The following CEP112 variants were observed in gnomAD, a reference collection of about 807,000 sequenced individuals.
The protein encoded by CEP112 is centrosomal protein 112.
Under a neutral mutation model 153.0 loss-of-function variants are expected in CEP112, and 127 were observed. The ratio of observed to expected loss-of-function variants is 0.83; its 90% confidence interval spans 0.72 to 0.96. The LOEUF (loss-of-function observed/expected upper bound fraction) is 0.96, where lower values mean the gene tolerates loss of function less well. CEP112 is among the 40% of genes least tolerant of loss of function. The pLI is 0.00. For synonymous variants in CEP112, 358 were observed against 374.4 expected (o/e 0.96, Z 0.51); for missense variants, 1,089 against 1,101.2 (o/e 0.99, Z 0.16).
rs532111326 is a variant in CEP112 at position 65,690,242 on chromosome 17, T to C, written c.2608-1024A>G. On this transcript the variant is annotated intron_variant, in intron 23 of 26. Transcript: ENST00000535342. ...GAATTCAAGATCAGCCTGGGCAACATAGCAAGATCTTTTCTACAATTTTTT... is the reference window on the plus strand; with the variant it reads ...GAATTCAAGATCAGCCTGGGCAACACAGCAAGATCTTTTCTACAATTTTTT... Among the ~76,000 whole-genome samples the C allele has an allele frequency of 1.1e-4, 16 of 149,740 alleles. 1 individual carries two copies. In the South Asian group the frequency reaches 1.3e-3, roughly 12 times the overall value.
intron 17 of CEP112, among the ~76,000 whole-genome samples, chr17:66,004,817 A>T (rs893900804): frequency 6.6e-6 from 1 of 152,122 alleles, no homozygotes; most frequent in Admixed American, 6.6e-5. Flanking sequence ...AGTCATTCTT[A>T]TTTGCAGGTT....
chr17:65,880,453 G>A (rs2059020049), intron 20 of CEP112, among the ~76,000 whole-genome samples: 1 of 152,212 alleles, frequency 6.6e-6, no homozygotes, highest in East Asian at 1.9e-4. Flanking sequence ...AAATGGGGGG[G>A]GCTATCTTAT....
At chr17:66,082,853 TTAA>T (rs2067776294) in intron 8 of CEP112, among the ~76,000 whole-genome samples, 1 of 151,602 alleles carries the variant, frequency 6.6e-6, no homozygotes, top group African/African-American at 2.4e-5. Flanking sequence ...GATATTAATA[TTAA>T]TATTAATATT....
At chr17:66,081,020 G>A (rs182291730) in intron 8 of CEP112, among the ~76,000 whole-genome samples, 2 of 152,186 alleles carry the variant, frequency 1.3e-5, no homozygotes, top group African/African-American at 4.8e-5. Flanking sequence ...CAGGGGGTAG[G>A]GGGCTAGGGG....
chr17:65,679,152 T>G (rs2047386965), intron 24 of CEP112, among the ~76,000 whole-genome samples: 1 of 115,576 alleles, frequency 8.7e-6, no homozygotes, highest in Non-Finnish European at 1.9e-5. Context: ...TTTTTTTTTT[T>G]TTTTTTTTTT....
At chr17:65,749,424 C>A (rs998421803) in intron 22 of CEP112, among the ~76,000 whole-genome samples, 1 of 151,926 alleles carries the variant, frequency 6.6e-6, no homozygotes, top group Non-Finnish European at 1.5e-5. Flanking sequence ...AGGAGAATGG[C>A]GTGAATCAGG....
rs1267310538 is a variant in CEP112 at position 65,983,422 on chromosome 17, A to G, written c.1737-21824T>C. On this transcript the variant is annotated intron_variant, in intron 17 of 26. Coordinates refer to ENST00000535342, the MANE Select transcript of CEP112 (RefSeq NM_001199165.4). The stretch of plus-strand genomic sequence containing the variant: ...TATAGTTGGGATATGTGTCCCCTCC[A>G]AATATCATGTTGAAATGTGACCTTC... Among the ~76,000 whole-genome samples the G allele has an allele frequency of 2.6e-5, 4 of 152,234 alleles. No homozygotes were observed. In the East Asian group the frequency reaches 7.7e-4, roughly 29 times the overall value.
At chr17:65,923,388 A>C (rs1026282250) in intron 19 of CEP112, among the ~76,000 whole-genome samples, 1 of 152,150 alleles carries the variant, frequency 6.6e-6, no homozygotes, top group Non-Finnish European at 1.5e-5. Context: ...ATGTTACAGA[A>C]TATAATATAG....
chr17:65,981,997 C>T (rs887443700), intron 17 of CEP112, among the ~76,000 whole-genome samples: 7 of 152,046 alleles, frequency 4.6e-5, no homozygotes, highest in Admixed American at 6.5e-5. Context: ...AACAACCTAA[C>T]GATTTATTGT....
At chr17:66,073,766 A>C (rs2067383666) in intron 8 of CEP112, among the ~76,000 whole-genome samples, 1 of 152,226 alleles carries the variant, frequency 6.6e-6, no homozygotes, top group Admixed American at 6.5e-5. Context: ...AACAGAATGT[A>C]AAAACCAAGT....
At chr17:66,087,751 C>T (rs765840832) in intron 8 of CEP112, among the ~76,000 whole-genome samples, 21 of 152,098 alleles carry the variant, frequency 1.4e-4, no homozygotes, top group Non-Finnish European at 1.5e-4. Context: ...CTCAGAAGTC[C>T]GAGGCTGCAG....
chr17:66,005,606 T>C (rs2064240624), intron 17 of CEP112, 84 bp downstream of exon 17: 8 of 1,451,096 alleles, frequency 5.5e-6, no homozygotes, highest in South Asian at 4.3e-5. Flanking sequence ...TATAAAAATA[T>C]AGTGTTTAGG....
chr17:66,136,565 A>C (rs1420756811), intron 4 of CEP112, among the ~76,000 whole-genome samples: 1 of 151,730 alleles, frequency 6.6e-6, no homozygotes, highest in African/African-American at 2.4e-5. Context: ...CAACATTCAG[A>C]CTCTTGGGGG....
At chr17:65,971,668 G>GCATATTACATGCGTGTGTA (rs2062837402) in intron 17 of CEP112, among the ~76,000 whole-genome samples, 1 of 151,100 alleles carries the variant, frequency 6.6e-6, no homozygotes, top group South Asian at 2.1e-4. Flanking sequence ...ATGCATGTAT[G>GCATATTACATGCGTGTGTA]TTACATGCAT....
At chr17:66,152,679 G>A (rs773166113) in intron 4 of CEP112, among the ~76,000 whole-genome samples, 6 of 152,158 alleles carry the variant, frequency 3.9e-5, no homozygotes, top group African/African-American at 7.2e-5. Context: ...AAGATTAAGA[G>A]TATGCCTGAC....
intron 16 of CEP112, among the ~76,000 whole-genome samples, chr17:66,008,063 T>C (rs2064348803): frequency 6.6e-6 from 1 of 152,206 alleles, no homozygotes; most frequent in African/African-American, 2.4e-5. Flanking sequence ...TCCAGCTTTA[T>C]TGCCATATAA....
intron 12 of CEP112, among the ~76,000 whole-genome samples, chr17:66,041,298 T>C (rs2065965857): frequency 1.3e-5 from 2 of 151,944 alleles, no homozygotes; most frequent in African/African-American, 4.8e-5. Flanking sequence ...AAAAACATTA[T>C]GTTTGACCTA....
intron 8 of CEP112, among the ~76,000 whole-genome samples, chr17:66,085,347 T>TC (rs1207140519): frequency 6.6e-6 from 1 of 152,110 alleles, no homozygotes; most frequent in Admixed American, 6.6e-5. Flanking sequence ...CTCCATACAC[T>TC]CCCATGCCTG....
intron 6 of CEP112, among the ~76,000 whole-genome samples, chr17:66,101,828 G>A (rs975002235): frequency 2.0e-5 from 3 of 151,914 alleles, no homozygotes; most frequent in Admixed American, 6.6e-5. Context: ...CAATCATGCT[G>A]AGTTTTTGTG....
Sources: allele counts gnomAD v4.1 joint callset (sites outside exome capture counted in the v4.1 genomes callset), GRCh38; gene constraint gnomAD v4.1.1; transcripts MANE v1.5; gene names NCBI Gene and HGNC (gene_info 2026-07-23, HGNC 2026-07-21).